NEK9: variants seen among roughly 807,000 people sequenced by gnomAD.
NEK9 encodes the protein serine/threonine-protein kinase Nek9.
Under a neutral mutation model 123.4 loss-of-function variants are expected in NEK9, and 75 were observed. The observed-to-expected ratio is 0.61, with a 90% CI of 0.50 to 0.74. NEK9 has a LOEUF of 0.74. Ranked by LOEUF, NEK9 falls within the 30% of genes least tolerant of loss-of-function variation. The pLI is 0.00. For missense variants in NEK9, 952 were observed against 1,214.4 expected, an observed-to-expected ratio of 0.78 and a Z score of 3.21; for synonymous variants, 438 against 458.7, an observed-to-expected ratio of 0.95 and a Z score of 0.58.
At chr14:75,119,928 T>G (rs918848497) in intron 4 of NEK9, among the ~76,000 whole-genome samples, 1 of 152,202 alleles carries the variant, frequency 6.6e-6, no homozygotes, top group African/African-American at 2.4e-5. Flanking sequence ...ACATGTTAAC[T>G]GAATGAACAA....
chr14:75,101,739 C>T lies in NEK9; in HGVS notation c.1758G>A (p.Thr586=), dbSNP rs769129589. ...HEAYHEVPYT[T]SFTLAKQLSF... ...ACAACTGTTTGGCCAAGGTAAAGGACGTTGTGTAGGGAACTTCATGGTATG... is the reference window on the plus strand; with the variant it reads ...ACAACTGTTTGGCCAAGGTAAAGGATGTTGTGTAGGGAACTTCATGGTATG... The change falls in exon 15 of 22, where the codon ACG becomes ACA. Residue 586 remains threonine (T), a synonymous_variant. Coordinates refer to ENST00000238616, the MANE Select transcript of NEK9 (RefSeq NM_033116.6). 8.1e-6 allele frequency: 13 copies of T among 1,613,640 alleles called. No homozygotes were observed. The highest frequency in any genetic ancestry group is 2.7e-5 in the African/African-American group (2 of 74,884).
At chr14:75,108,514 C>CGTGTGTGTGT (rs35358755) in intron 10 of NEK9, among the ~76,000 whole-genome samples, 21 of 147,814 alleles carry the variant, frequency 1.4e-4, no homozygotes, top group African/African-American at 5.3e-4. Context: ...TGTGCGTGTG[C>CGTGTGTGTGT]GTGTGTGTGT....
rs1162179624 is a variant in NEK9 at position 75,095,298 on chromosome 14, T to C, written c.2233+74A>G. On this transcript the variant is annotated intron_variant, in intron 18 of 21. Transcript: ENST00000238616. ...ACATTTCCCATTTTCCTTTGGGTTTTGGAGTCTACATGGAATCTAACCAAA... is the reference window on the plus strand; with the variant it reads ...ACATTTCCCATTTTCCTTTGGGTTTCGGAGTCTACATGGAATCTAACCAAA... 5 of 980,592 alleles carry C rather than the reference T, an allele frequency of 5.1e-6. No homozygotes were observed. In the African/African-American group the frequency reaches 8.1e-5, roughly 16 times the overall value. The allele number at this position is 980,592 out of a possible 1,614,324, so 60.7% of individuals were successfully genotyped here.
chr14:75,121,170 C>T lies in NEK9; in HGVS notation c.402G>A (p.Gly134=). ...LLIELEYCNG[G]NLYDKILRQK... ...GACGAAGGATTTTGTCATACAGGTT[C>T]CCTCCTGCAATTAAACAAGACACAG... Residue 134 remains glycine (G), a synonymous_variant, in exon 3 of 22, where the codon GGG becomes GGA. Coordinates refer to ENST00000238616, the MANE Select transcript of NEK9 (RefSeq NM_033116.6). 6.2e-7 allele frequency: 1 copy of T among 1,613,014 alleles called. No individual in the cohort carries two copies. Among genetic ancestry groups the T allele is most frequent in the Non-Finnish European group, 8.5e-7 (1 of 1,179,010 alleles).
At chr14:75,120,467 A>G (rs773213550) in intron 4 of NEK9, 43 bp downstream of exon 4, 2 of 1,420,438 alleles carry the variant, frequency 1.4e-6, no homozygotes, top group Non-Finnish European at 2.0e-6. Flanking sequence ...TAGGGGCTGA[A>G]TTGGTAGGGA....
chr14:75,106,729 A>G, intron 11 of NEK9, 27 bp from the exon 12 acceptor site: 2 of 1,578,110 alleles, frequency 1.3e-6, no homozygotes, highest in Middle Eastern at 1.7e-4. Flanking sequence ...AACAGAATCC[A>G]TCAAAGGACT....
chr14:75,107,401 C>T lies in NEK9; in HGVS notation c.1269G>A (p.Leu423=), dbSNP rs771898413. ...ACACCTGACGGATAGCTTTGCCTTG[C>T]AACTTTTCCACATGCTTTGGCTGTC... ...SYRQPKHVEK[L]QGKAIRQVSC... Residue 423 remains leucine, a synonymous_variant, in exon 11 of 22, where the codon TTG becomes TTA. Coordinates refer to ENST00000238616, the MANE Select transcript of NEK9 (RefSeq NM_033116.6). The T allele has an allele frequency of 1.9e-5, 30 of 1,613,886 alleles. No homozygotes were observed. Among genetic ancestry groups the T allele is most frequent in the Non-Finnish European group, 2.5e-5 (29 of 1,179,988 alleles).
rs555680352 is a variant in NEK9, at chr14:75,126,798, C to T, written c.124G>A (p.Gly42Ser). 2.0e-6 allele frequency: 3 copies of T among 1,531,360 alleles called. No homozygotes were observed. The highest frequency in any genetic ancestry group is 2.9e-5 in the African/African-American group (2 of 70,152). The allele number at this position is 1,531,360 out of a possible 1,614,324, so 94.9% of individuals were successfully genotyped here. A position where few individuals can be genotyped will look rare whatever the true frequency, so the allele number is the denominator to read the frequency against. The change falls in exon 1 of 22, where the codon GGC becomes AGC. Residue 42 changes from glycine to serine, a missense_variant. Coordinates refer to ENST00000238616, the MANE Select transcript of NEK9 (RefSeq NM_033116.6). ...AGTTCCTCCTGCTCCGCCGCGCCGC[C>T]GCCGGCTCGCGGCCCCTGACTGGCG... is the stretch of plus-strand genomic sequence containing the variant. ...PSASQGPRAG[G>S]GAAEQEELHY...
chr14:75,105,418 A>G (rs1894737723), intron 13 of NEK9, among the ~76,000 whole-genome samples: 1 of 152,054 alleles, frequency 6.6e-6, no homozygotes, highest in South Asian at 2.1e-4. Flanking sequence ...TAGGTGGGAG[A>G]GATGTGACTG....
intron 10 of NEK9, among the ~76,000 whole-genome samples, chr14:75,109,206 G>C (rs1192183552): frequency 6.6e-6 from 1 of 152,024 alleles, no homozygotes; most frequent in Admixed American, 6.6e-5. Context: ...AAGGTGAGAG[G>C]GGAGAATCTA....
At chr14:75,114,718 A>G (rs1322735638) in intron 6 of NEK9, among the ~76,000 whole-genome samples, 2 of 152,062 alleles carry the variant, frequency 1.3e-5, no homozygotes, top group African/African-American at 2.4e-5. Flanking sequence ...CAGATAAGGC[A>G]GTAATAATAA....
In NEK9 at chr14:75,079,880, C is replaced by T. The variant is rs4903279; in HGVS notation, c.*4684G>A. 0.44 allele frequency: 67,605 copies of T among 151,930 alleles called. 16,415 individuals are homozygous for T. Among genetic ancestry groups the T allele is most frequent in the East Asian group, 0.84 (4,327 of 5,180 alleles). 9.4% of individuals were successfully genotyped at this position (151,930 alleles called of 1,614,324 possible). On this transcript the variant is annotated 3_prime_UTR_variant, in exon 22 of 22. Coordinates refer to ENST00000238616, the MANE Select transcript of NEK9 (RefSeq NM_033116.6). ...CTGGATGTTAGTAAGGTCATAGATC[C>T]GGGCCCTCCAGAGAGAACAAATTGT...
rs887069156 is a variant in NEK9, at chr14:75,082,305, A to G, written c.*2259T>C. On this transcript the variant is annotated 3_prime_UTR_variant, in exon 22 of 22. Transcript: ENST00000238616. ...ACTTAAAACACCTAGCACTGCATAAAGAAAAAAAGCAGGACAAAATTTAAA... is the reference window on the plus strand; with the variant it reads ...ACTTAAAACACCTAGCACTGCATAAGGAAAAAAAGCAGGACAAAATTTAAA... 2 of 152,232 alleles carry G rather than the reference A, an allele frequency of 1.3e-5. No homozygotes were observed. The highest frequency in any genetic ancestry group is 1.9e-4 in the East Asian group (1 of 5,204). The allele number at this position is 152,232 out of a possible 1,614,324, so 9.4% of individuals were successfully genotyped here.
chr14:75,115,216 A>G (rs1895102035), intron 6 of NEK9, among the ~76,000 whole-genome samples: 1 of 152,140 alleles, frequency 6.6e-6, no homozygotes, highest in Non-Finnish European at 1.5e-5. Context: ...CCTGGGTTCA[A>G]GTGATGCTTG....
chr14:75,123,998 G>A lies in NEK9; in HGVS notation c.397+48C>T, dbSNP rs148589941. 7.7e-6 allele frequency: 11 copies of A among 1,436,248 alleles called. No homozygotes were observed. In the East Asian group the frequency reaches 1.1e-4, roughly 15 times the overall value. The allele number at this position is 1,436,248 out of a possible 1,614,324, so 89.0% of individuals were successfully genotyped here. ...ATATTCTTCTCCTCAACGTAATTAT[G>A]AGTCTAAGAAAGTCTTGCTGGAAAA... On this transcript the variant is annotated intron_variant, in intron 2 of 21. Coordinates refer to ENST00000238616, the MANE Select transcript of NEK9 (RefSeq NM_033116.6).
rs1261961040 is a variant in NEK9, at chr14:75,095,424, T to C, written c.2181A>G (p.Val727=). The C allele has an allele frequency of 6.2e-7, 1 of 1,612,646 alleles. No individual in the cohort carries two copies. The highest frequency in any genetic ancestry group is 1.3e-5 in the African/African-American group (1 of 75,032). Reference sequence around the variant, plus strand: ...TGGAACGGATGGTCTTAGAATTCAATACTTTCTCTGAGAAAAAATATTTGG... The same window carrying C: ...TGGAACGGATGGTCTTAGAATTCAACACTTTCTCTGAGAAAAAATATTTGG... ...GWHTILIVEK[V]LNSKTIRSNS... The change falls in exon 18 of 22, where the codon GTA becomes GTG. Residue 727 remains valine, a synonymous_variant. Transcript: ENST00000238616.
chr14:75,086,764 G>A (rs1288351958), intron 21 of NEK9: 1 of 402,132 alleles, frequency 2.5e-6, no homozygotes, highest in Non-Finnish European at 4.7e-6. Context: ...AAATTAGCCG[G>A]GCATGGTGGT....
chr14:75,113,466 T>C lies in NEK9; in HGVS notation c.874-63A>G, dbSNP rs543366929. ...AAATGGGCGACATCGGATCTAAAGA[T>C]GTTAATTAGTCAAAGACCACTGCAT... is the stretch of plus-strand genomic sequence containing the variant. On this transcript the variant is annotated intron_variant, in intron 7 of 21. Coordinates refer to ENST00000238616, the MANE Select transcript of NEK9 (RefSeq NM_033116.6). 102 of 1,185,392 alleles carry C rather than the reference T, an allele frequency of 8.6e-5. 2 individuals are homozygous for C. In the South Asian group the frequency reaches 1.2e-3, roughly 14 times the overall value. The allele number at this position is 1,185,392 out of a possible 1,614,324, so 73.4% of individuals were successfully genotyped here. A position where few individuals can be genotyped will look rare whatever the true frequency, so the allele number is the denominator to read the frequency against.
At position 75,082,897 on chromosome 14, in the gene NEK9, C is replaced by CCCTT; in HGVS notation, c.*1663_*1666dup. 2.5e-6 allele frequency: 1 copy of CCCTT among 398,416 alleles called. No individual in the cohort carries two copies. The highest frequency in any genetic ancestry group is 4.4e-6 in the Non-Finnish European group (1 of 226,058). 24.7% of individuals were successfully genotyped at this position (398,416 alleles called of 1,614,324 possible). Reference sequence around the variant, plus strand: ...AACTTTAATCAAAGTTTGGCTGCTTCCCTTATTTCAAGAAAAGGTTTCAGT... The same window carrying CCCTT: ...AACTTTAATCAAAGTTTGGCTGCTTCCCTTCCTTATTTCAAGAAAAGGTTTCAGT... On this transcript the variant is annotated 3_prime_UTR_variant, in exon 22 of 22. Coordinates refer to ENST00000238616, the MANE Select transcript of NEK9 (RefSeq NM_033116.6).
Sources: allele counts gnomAD v4.1 joint callset (sites outside exome capture counted in the v4.1 genomes callset), GRCh38; gene constraint gnomAD v4.1.1; transcripts MANE v1.5; gene names NCBI Gene and HGNC (gene_info 2026-07-23, HGNC 2026-07-21).